Variants in CDH11 observed in about 807,000 individuals in gnomAD.
CDH11 encodes cadherin 11, also known as cadherin-11.
CDH11 carries 11 observed loss-of-function variants against 67.8 expected under a neutral mutation model. That is an observed-to-expected ratio of 0.16 (90% confidence interval 0.10 to 0.27). CDH11 has a LOEUF of 0.27. CDH11 is among the 10% of genes least tolerant of loss of function. The pLI is 1.00. For missense variants in CDH11, 847 were observed against 1,031.2 expected (o/e 0.82, Z 2.45); for synonymous variants, 419 against 400.0 (o/e 1.05, Z -0.57).
chr16:65,085,157 C>T (rs550771392), intron 1 of CDH11, among the ~76,000 whole-genome samples: 192 of 152,248 alleles, frequency 1.3e-3, no homozygotes, highest in African/African-American at 3.4e-3. Context: ...GTTATCCATC[C>T]GCCTCGGCCT....
intron 1 of CDH11, among the ~76,000 whole-genome samples, chr16:65,104,659 T>C (rs968653535): frequency 1.3e-5 from 2 of 152,178 alleles, no homozygotes; most frequent in Admixed American, 6.5e-5. Context: ...TAATCACTGC[T>C]CTCTATTCAG....
chr16:65,018,825 C>G (rs1436740408), intron 2 of CDH11, among the ~76,000 whole-genome samples: 1 of 152,160 alleles, frequency 6.6e-6, no homozygotes, highest in African/African-American at 2.4e-5. Context: ...TTTAAAACTA[C>G]TCATCAAAAT....
chr16:64,998,773 A>G lies in CDH11; in HGVS notation c.312T>C (p.Asp104=), dbSNP rs145995883. 6.2e-7 allele frequency: 1 copy of G among 1,614,026 alleles called. No homozygotes were observed. Among genetic ancestry groups the G allele is most frequent in the Non-Finnish European group, 8.5e-7 (1 of 1,180,020 alleles). ...GEGAGTIFVI[D]DKSGNIHATK... is the part of the protein sequence containing the mutation. ...TGGCATGAATGTTCCCTGATTTGTC[A>G]TCAATCACAAAAATGGTTCCAGCTC... Residue 104 remains aspartate (D), a synonymous_variant, in exon 4 of 13, where the codon GAT becomes GAC. Transcript: ENST00000268603.
intron 2 of CDH11, among the ~76,000 whole-genome samples, chr16:65,006,290 A>G (rs149804013): frequency 2.4e-4 from 37 of 152,312 alleles, no homozygotes; most frequent in African/African-American, 8.9e-4. Flanking sequence ...ACCTGGGTCT[A>G]AATGAAACTG....
intron 2 of CDH11, among the ~76,000 whole-genome samples, chr16:65,028,394 C>T (rs1038420877): frequency 6.6e-6 from 1 of 152,070 alleles, no homozygotes; most frequent in Non-Finnish European, 1.5e-5. Flanking sequence ...GGCACCTCTG[C>T]ATCATCCCCA....
intron 1 of CDH11, among the ~76,000 whole-genome samples, chr16:65,056,116 C>G (rs1520234): frequency 0.25 from 38,416 of 152,102 alleles, 5,891 homozygotes; most frequent in Middle Eastern, 0.37. Context: ...GCAGTATAAG[C>G]AGACTAATAC....
chr16:65,092,939 C>CT (rs572146359), intron 1 of CDH11, among the ~76,000 whole-genome samples: 8,894 of 137,784 alleles, frequency 0.065, 441 homozygotes, highest in African/African-American at 0.14. Context: ...AGTTTGTCTC[C>CT]TTTTTTTTTT....
intron 12 of CDH11, 112 bp from the exon 13 acceptor site, chr16:64,948,211 G>A (rs2071246123): frequency 2.9e-6 from 4 of 1,357,876 alleles, no homozygotes; most frequent in Non-Finnish European, 3.0e-6. Flanking sequence ...CTCAGAACAG[G>A]AAACAGTATA....
intron 11 of CDH11, among the ~76,000 whole-genome samples, chr16:64,961,998 G>A (rs946775513): frequency 5.9e-5 from 9 of 152,036 alleles, no homozygotes; most frequent in African/African-American, 2.2e-4. Flanking sequence ...AAAGTAATAA[G>A]TAAACCAAGA....
rs1038176673 is a variant in CDH11 at position 65,121,120 on chromosome 16, C to T, written c.-298+760G>A. ...TAACGTTGACCCTGGCAGCTTTCGC[C>T]AATCCCAAGCCAGAGGCGAGCCCGA... On this transcript the variant is annotated intron_variant, in intron 1 of 12. Coordinates refer to ENST00000268603, the MANE Select transcript of CDH11 (RefSeq NM_001797.4). This position sits in a 1 kb window ranked among gnomAD's most constrained non-coding sequence, Gnocchi z 4.1. Among the ~76,000 whole-genome samples the T allele has an allele frequency of 6.6e-6, 1 of 152,150 alleles. No individual in the cohort carries two copies. The highest frequency in any genetic ancestry group is 1.5e-5 in the Non-Finnish European group (1 of 68,028).
At chr16:64,962,823 A>G (rs2071709100) in intron 11 of CDH11, among the ~76,000 whole-genome samples, 1 of 152,120 alleles carries the variant, frequency 6.6e-6, no homozygotes, top group South Asian at 2.1e-4. Context: ...GAAACTTCCA[A>G]CTCTAGGCCA....
At chr16:65,065,229 G>A (rs897633052) in intron 1 of CDH11, among the ~76,000 whole-genome samples, 6 of 152,228 alleles carry the variant, frequency 3.9e-5, no homozygotes, top group Admixed American at 6.5e-5. Flanking sequence ...AGACTCACCC[G>A]GCCCACTCTC....
At chr16:65,089,013 T>C (rs554235212) in intron 1 of CDH11, among the ~76,000 whole-genome samples, 1 of 152,340 alleles carries the variant, frequency 6.6e-6, no homozygotes, top group East Asian at 1.9e-4. Context: ...GGGAATTTTG[T>C]TTTTCACTTT....
Position 64,946,147 on chromosome 16 carries a change from G to A in CDH11, c.*1456C>T. On this transcript the variant is annotated 3_prime_UTR_variant, in exon 13 of 13. Transcript: ENST00000268603. ...CGGCCCCAAGCATATTCTAAACAAAGCTTTTTTAAATGAATCGCCCATTCT... is the reference window on the plus strand; with the variant it reads ...CGGCCCCAAGCATATTCTAAACAAAACTTTTTTAAATGAATCGCCCATTCT... 9.5e-7 allele frequency: 1 copy of A among 1,054,154 alleles called. No homozygotes were observed. The highest frequency in any genetic ancestry group is 1.1e-6 in the Non-Finnish European group (1 of 872,362). 65.3% of individuals were successfully genotyped at this position (1,054,154 alleles called of 1,614,324 possible). A position where few individuals can be genotyped will look rare whatever the true frequency, so the allele number is the denominator to read the frequency against.
chr16:65,018,957 C>T (rs551524541), intron 2 of CDH11, among the ~76,000 whole-genome samples: 5 of 152,286 alleles, frequency 3.3e-5, no homozygotes, highest in African/African-American at 1.2e-4. Flanking sequence ...AATCCAGTTA[C>T]CTCTGTGGTA....
intron 1 of CDH11, among the ~76,000 whole-genome samples, chr16:65,115,707 C>CAAAAAAAAAAAAAAAAA (rs750108148): frequency 1.7e-5 from 1 of 60,178 alleles, no homozygotes; most frequent in Non-Finnish European, 3.3e-5. Flanking sequence ...AAGGCTACAC[C>CAAAAAAAAAAAAAAAAA]AAAAAAAAAA....
chr16:64,956,823 C>T (rs1015764226), intron 11 of CDH11, among the ~76,000 whole-genome samples: 1 of 151,900 alleles, frequency 6.6e-6, no homozygotes, highest in African/African-American at 2.4e-5. Context: ...TCCATGGTAC[C>T]AGTTGGGGAA....
chr16:65,102,051 T>C (rs1285081751), intron 1 of CDH11, among the ~76,000 whole-genome samples: 1 of 152,190 alleles, frequency 6.6e-6, no homozygotes, highest in East Asian at 1.9e-4. Context: ...AAAGTAAAAT[T>C]ATTCTCAGGT....
chr16:65,048,280 T>C (rs1341303517), intron 2 of CDH11, among the ~76,000 whole-genome samples: 1 of 152,188 alleles, frequency 6.6e-6, no homozygotes, highest in Non-Finnish European at 1.5e-5. Context: ...GAGGAATGTG[T>C]ATACACTGTT....
Sources: allele counts gnomAD v4.1 joint callset (sites outside exome capture counted in the v4.1 genomes callset), GRCh38; gene constraint gnomAD v4.1.1; non-coding constraint Gnocchi (gnomAD v3.1); transcripts MANE v1.5; gene names NCBI Gene and HGNC (gene_info 2026-07-23, HGNC 2026-07-21).